Variants in ENPP2 observed in about 807,000 individuals in gnomAD.
ENPP2 encodes the protein ectonucleotide pyrophosphatase/phosphodiesterase 2.
In ENPP2, 51 loss-of-function variants were observed where a neutral mutation model predicts 120.2. The observed-to-expected ratio is 0.42, with a 90% CI of 0.34 to 0.54. The LOEUF (loss-of-function observed/expected upper bound fraction) is 0.54, where lower values mean the gene tolerates loss of function less well. Ranked by LOEUF, ENPP2 falls within the 20% of genes least tolerant of loss-of-function variation. The pLI is 0.04. For missense variants in ENPP2, 920 were observed against 1,066.5 expected (o/e 0.86, Z 1.91); for synonymous variants, 365 against 366.4 (o/e 1.00, Z 0.04).
intron 12 of ENPP2, among the ~76,000 whole-genome samples, chr8:119,591,574 T>A (rs1168686829): frequency 6.6e-6 from 1 of 152,126 alleles, no homozygotes; most frequent in African/African-American, 2.4e-5. Flanking sequence ...ACAGGGAAAA[T>A]AACCCTGTTG....
At chr8:119,607,582 G>A (rs1814808810) in intron 9 of ENPP2, among the ~76,000 whole-genome samples, 1 of 151,928 alleles carries the variant, frequency 6.6e-6, no homozygotes, top group African/African-American at 2.4e-5. Flanking sequence ...GGCTGAGGCA[G>A]GAGAATCACT....
intron 19 of ENPP2, chr8:119,578,529 A>T (rs1217368951): frequency 6.6e-6 from 1 of 152,258 alleles, no homozygotes; most frequent in Non-Finnish European, 1.5e-5. Context: ...AATTAATTTC[A>T]TTAGTGACTT....
At chr8:119,607,400 G>C (rs1814793644) in intron 9 of ENPP2, among the ~76,000 whole-genome samples, 1 of 152,158 alleles carries the variant, frequency 6.6e-6, no homozygotes, top group Non-Finnish European at 1.5e-5. Context: ...ATGGGGCTGG[G>C]CACGGTGGCT....
In ENPP2 at chr8:119,601,461, C is replaced by G. The variant is rs1226515493; in HGVS notation, c.835G>C (p.Val279Leu). 6.2e-7 allele frequency: 1 copy of G among 1,612,532 alleles called. No individual in the cohort carries two copies. The highest frequency in any genetic ancestry group is 1.1e-5 in the South Asian group (1 of 91,022). ...AATATTCTCCGCTCGTGAGGGATGA[C>G]ACTGGAGGGTAAAAGCAAGCAAAGC... Reference protein sequence around the residue: ...VKAGTFFWSVVIPHERRILTI... With the variant: ...VKAGTFFWSVLIPHERRILTI... Residue 279 changes from valine to leucine, a missense_variant and splice_region_variant, in exon 10 of 25, where the codon GTC becomes CTC. By Grantham distance (32) the Val-to-Leu change is conservative. Transcript: ENST00000075322.
chr8:119,595,815 C>T, intron 11 of ENPP2: 1 of 1,611,054 alleles, frequency 6.2e-7, no homozygotes, highest in Non-Finnish European at 8.5e-7. Context: ...GACCTGCCCG[C>T]CACAAAGCTT....
At chr8:119,578,733 C>A (rs868381577) in intron 19 of ENPP2, among the ~76,000 whole-genome samples, 1 of 152,164 alleles carries the variant, frequency 6.6e-6, no homozygotes, top group African/African-American at 2.4e-5. Context: ...GATTTGTGTG[C>A]CTTCTACCAA....
At chr8:119,572,174 AC>A (rs1229815370) in intron 19 of ENPP2, 4 of 1,547,968 alleles carry the variant, frequency 2.6e-6, no homozygotes, top group Non-Finnish European at 1.8e-6. Context: ...CTCAAACCAA[AC>A]CTTTTCTAGG....
chr8:119,595,766 G>C lies in ENPP2; in HGVS notation c.973-1906C>G, dbSNP rs192606268. On this transcript the variant is annotated intron_variant, in intron 11 of 24. Transcript: ENST00000075322. Reference sequence around the variant, plus strand: ...GAGTTTTTCTAAAACTTGCTCAGCCGATTTTCCAACCAAGGCACTGAAGGC... The same window carrying C: ...GAGTTTTTCTAAAACTTGCTCAGCCCATTTTCCAACCAAGGCACTGAAGGC... The C allele has an allele frequency of 2.8e-6, 4 of 1,416,762 alleles. No individual in the cohort carries two copies. In the African/African-American group the frequency reaches 4.3e-5, roughly 15 times the overall value. 87.8% of individuals were successfully genotyped at this position (1,416,762 alleles called of 1,614,324 possible).
intron 13 of ENPP2, 34 bp from the exon 14 acceptor site, chr8:119,587,109 A>G: frequency 1.9e-6 from 3 of 1,564,100 alleles, no homozygotes; most frequent in Non-Finnish European, 2.6e-6. Context: ...TTCAAAAGAA[A>G]TAACAACCAT....
At chr8:119,640,088 A>T (rs1443103037), upstream of ENPP2, among the ~76,000 whole-genome samples, 1 of 152,184 alleles carries the variant, frequency 6.6e-6, no homozygotes, top group African/African-American at 2.4e-5. Context: ...ACTTGTTTAT[A>T]GGGGGTTGTA....
chr8:119,571,110 A>G lies in ENPP2; in HGVS notation c.1781-269T>C, dbSNP rs1454554517. 2.0e-5 allele frequency: 5 copies of G among 245,680 alleles called. No individual in the cohort carries two copies. The East Asian group carries it at 4.0e-4, about 20-fold the overall frequency. 15.2% of individuals were successfully genotyped at this position (245,680 alleles called of 1,614,324 possible). A position where few individuals can be genotyped will look rare whatever the true frequency, so the allele number is the denominator to read the frequency against. On this transcript the variant is annotated intron_variant, in intron 19 of 24. Coordinates refer to ENST00000075322, the MANE Select transcript of ENPP2 (RefSeq NM_001040092.3). ...TTTTTTTAGTTGTAAAGAATTTACA[A>G]TTTGTATATAAAGGAAACATTATGT...
chr8:119,612,053 T>C (rs1027885627), intron 8 of ENPP2, among the ~76,000 whole-genome samples: 6 of 151,924 alleles, frequency 3.9e-5, no homozygotes, highest in Non-Finnish European at 8.8e-5. Flanking sequence ...TAAAAAGAGA[T>C]TTCCAAATTT....
chr8:119,626,676 C>T lies in ENPP2; in HGVS notation c.181G>A (p.Gly61Ser), dbSNP rs748334064. ...PWTNISGSCKGRCFELQEAGP... is the reference protein window; with the variant it reads ...PWTNISGSCKSRCFELQEAGP... ...GCCTCTTGAAGTTCAAAGCACCTGC[C>T]CTTGCAAGATCCGGAGATGTTGGTC... is the stretch of plus-strand genomic sequence containing the variant. Residue 61 changes from glycine (G) to serine (S), a missense_variant, in exon 3 of 25, where the codon GGC becomes AGC. Coordinates refer to ENST00000075322, the MANE Select transcript of ENPP2 (RefSeq NM_001040092.3). The T allele has an allele frequency of 2.9e-5, 46 of 1,613,984 alleles. No individual in the cohort carries two copies. Among genetic ancestry groups the T allele is most frequent in the Non-Finnish European group, 2.2e-5 (26 of 1,179,972 alleles).
intron 19 of ENPP2, among the ~76,000 whole-genome samples, 197 bp downstream of exon 19, chr8:119,579,918 AT>A: frequency 6.6e-6 from 1 of 152,228 alleles, no homozygotes; most frequent in Middle Eastern, 3.4e-3. Flanking sequence ...AGCTATTGGA[AT>A]TTTTTTATTA....
chr8:119,659,334 A>AAAAAAAAAAAAAAAAAAAAAAC (rs58435393), intron 1 of ENPP2, among the ~76,000 whole-genome samples: 23 of 130,778 alleles, frequency 1.8e-4, no homozygotes, highest in South Asian at 2.9e-4. Context: ...AAAAAAAAAA[A>AAAAAAAAAAAAAAAAAAAAAAC]AAACCAGAGT....
At chr8:119,566,053 T>C (rs1489085273) in intron 22 of ENPP2, among the ~76,000 whole-genome samples, 1 of 152,188 alleles carries the variant, frequency 6.6e-6, no homozygotes, top group Non-Finnish European at 1.5e-5. Flanking sequence ...TTCCCCTAAC[T>C]TATTTCAGGC....
chr8:119,568,147 C>A (rs1814632251), intron 22 of ENPP2, 28 bp downstream of exon 22: 3 of 1,121,052 alleles, frequency 2.7e-6, no homozygotes, highest in Non-Finnish European at 4.1e-6. Flanking sequence ...TCATAAATAA[C>A]AGTGTATTAG....
intron 12 of ENPP2, chr8:119,593,078 C>G (rs1271039391): frequency 3.7e-6 from 1 of 273,482 alleles, no homozygotes; most frequent in South Asian, 1.4e-4. Context: ...GTCTCTGAGC[C>G]CCCACCCCCT....
intron 9 of ENPP2, among the ~76,000 whole-genome samples, chr8:119,601,839 G>A (rs778669744): frequency 1.2e-4 from 18 of 151,988 alleles, no homozygotes; most frequent in African/African-American, 3.1e-4. Context: ...TCCCCAATCC[G>A]CCTCTTGCTG....
Sources: gnomAD v4.1 joint callset for allele counts (sites outside exome capture counted in the v4.1 genomes callset) on GRCh38, gnomAD v4.1.1 for gene constraint, MANE v1.5 for transcripts, NCBI Gene and HGNC (gene_info 2026-07-23, HGNC 2026-07-21) for gene names.